Variants in PUM1 observed in about 807,000 individuals in gnomAD.
PUM1 encodes pumilio homolog 1.
PUM1 carries 13 observed loss-of-function variants against 131.8 expected under a neutral mutation model. The observed-to-expected ratio is 0.10, with a 90% CI of 0.06 to 0.16. PUM1 has a LOEUF of 0.16. Among genes scored for constraint, PUM1 ranks in the 10% least tolerant of loss-of-function variants. The pLI is 1.00. For missense variants in PUM1, 961 were observed against 1,512.4 expected (o/e 0.64, Z 6.05); for synonymous variants, 509 against 556.5 (o/e 0.91, Z 1.20).
intron 3 of PUM1, among the ~76,000 whole-genome samples, chr1:31,025,966 T>C (rs1643205785): frequency 6.6e-6 from 1 of 152,190 alleles, no homozygotes; most frequent in Non-Finnish European, 1.5e-5. Flanking sequence ...TAAAAGCTTA[T>C]CTTCCACCGG....
intron 3 of PUM1, among the ~76,000 whole-genome samples, chr1:31,007,629 C>A (rs1221618034): frequency 6.6e-6 from 1 of 152,168 alleles, no homozygotes; most frequent in African/African-American, 2.4e-5. Context: ...TACTTCCCAA[C>A]CACAACACTA....
At chr1:31,046,291 C>T (rs922793363) in intron 2 of PUM1, among the ~76,000 whole-genome samples, 5 of 151,702 alleles carry the variant, frequency 3.3e-5, no homozygotes, top group Non-Finnish European at 5.9e-5. Context: ...GAGGCTAAGG[C>T]AGGAGAATTG....
chr1:30,992,354 G>A, intron 7 of PUM1, 36 bp downstream of exon 7: 1 of 1,594,808 alleles, frequency 6.3e-7, no homozygotes, highest in Non-Finnish European at 8.6e-7. Context: ...CTGGCTGGAG[G>A]GAGAGTAGAG....
intron 12 of PUM1, 44 bp from the exon 13 acceptor site, chr1:30,966,322 C>A: frequency 6.6e-7 from 1 of 1,509,520 alleles, no homozygotes. Context: ...AAGGGACTGG[C>A]CACATTTCCA....
At chr1:30,955,300 C>CA (rs529336616) in intron 14 of PUM1, among the ~76,000 whole-genome samples, 48,685 of 113,430 alleles carry the variant, frequency 0.43, 9,457 homozygotes, top group South Asian at 0.61. Flanking sequence ...CTAAAAAATA[C>CA]AAAAAAAAAA....
At chr1:30,982,648 T>C (rs1045041586) in intron 7 of PUM1, among the ~76,000 whole-genome samples, 1 of 152,246 alleles carries the variant, frequency 6.6e-6, no homozygotes, top group African/African-American at 2.4e-5. Flanking sequence ...GACCTGATTG[T>C]TTCAGACATT....
chr1:31,043,777 G>A (rs1029060770), intron 2 of PUM1, among the ~76,000 whole-genome samples: 2 of 152,130 alleles, frequency 1.3e-5, no homozygotes, highest in Admixed American at 1.3e-4. Context: ...CCTTCAGAGA[G>A]AAAAGAAAGT....
intron 21 of PUM1, 61 bp downstream of exon 21, chr1:30,936,582 T>C (rs1639219470): frequency 6.8e-7 from 1 of 1,471,890 alleles, no homozygotes; most frequent in Admixed American, 2.0e-5. Context: ...CTCCTTTGTG[T>C]TTCAGAAAGG....
chr1:31,020,149 G>C lies in PUM1; in HGVS notation c.432+8647C>G, dbSNP rs139440342. On this transcript the variant is annotated intron_variant, in intron 3 of 21. Transcript: ENST00000426105. ...CCCAATGTTTAGTTCCCACTTACAA[G>C]TGAGAACATGTGGTATTTGGATTTC... Among the ~76,000 whole-genome samples, 122 of 152,218 alleles carry C rather than the reference G, an allele frequency of 8.0e-4. 1 individual carries two copies. The highest frequency in any genetic ancestry group is 2.7e-3 in the African/African-American group (114 of 41,546).
chr1:31,048,036 C>A (rs1009336132), intron 2 of PUM1, among the ~76,000 whole-genome samples: 1 of 151,776 alleles, frequency 6.6e-6, no homozygotes, highest in South Asian at 2.1e-4. Flanking sequence ...GTCAGGAGAT[C>A]GAGACCCTCC....
chr1:31,009,695 G>A (rs538981640), intron 3 of PUM1, among the ~76,000 whole-genome samples: 1 of 146,836 alleles, frequency 6.8e-6, no homozygotes, highest in East Asian at 2.0e-4. Context: ...TTGAACCAGG[G>A]ACGCAGAGGT....
At chr1:31,054,181 G>C (rs1179232566) in intron 2 of PUM1, among the ~76,000 whole-genome samples, 2 of 150,382 alleles carry the variant, frequency 1.3e-5, no homozygotes, top group African/African-American at 4.9e-5. Flanking sequence ...ACAAAGATGA[G>C]CTAGGTGTTG....
Position 30,953,976 on chromosome 1 carries a change from GTCC to G in PUM1, c.2326_2328del (p.Gly776del). The G allele has an allele frequency of 6.2e-7, 1 of 1,613,762 alleles. No homozygotes were observed. Among genetic ancestry groups the G allele is most frequent in the East Asian group, 2.2e-5 (1 of 44,882 alleles). On this transcript the variant is annotated inframe_deletion and splice_region_variant, in exon 15 of 22. Transcript: ENST00000426105. ...ATGTATCTTCCACTGCCATTCGTGA[GTCC>G]TCCTGTTGGTTACAGAACAGGATAA...
chr1:31,014,910 T>C (rs536961484), intron 3 of PUM1, among the ~76,000 whole-genome samples: 21 of 152,256 alleles, frequency 1.4e-4, no homozygotes, highest in African/African-American at 5.1e-4. Context: ...GAAGGATCAC[T>C]TGAGGCCAGG....
At chr1:30,976,659 G>A (rs1641148419) in intron 9 of PUM1, among the ~76,000 whole-genome samples, 1 of 152,184 alleles carries the variant, frequency 6.6e-6, no homozygotes, top group Non-Finnish European at 1.5e-5. Flanking sequence ...AAAAGATTAA[G>A]AAGCTGTTTA....
At chr1:30,958,656 CCTTA>C (rs1640273248) in intron 14 of PUM1, among the ~76,000 whole-genome samples, 1 of 152,034 alleles carries the variant, frequency 6.6e-6, no homozygotes, top group Admixed American at 6.6e-5. Flanking sequence ...TATCCACATC[CCTTA>C]CTTTTTTTCT....
intron 12 of PUM1, among the ~76,000 whole-genome samples, chr1:30,966,710 AATAAAT>A (rs759030616): frequency 3.7e-4 from 56 of 152,352 alleles, no homozygotes; most frequent in Admixed American, 9.1e-4. Flanking sequence ...TTAAAAAATA[AATAAAT>A]ATAAACACTT....
intron 1 of PUM1, among the ~76,000 whole-genome samples, chr1:31,064,387 A>G (rs1470625391): frequency 2.0e-5 from 3 of 152,176 alleles, no homozygotes. Flanking sequence ...CAGATAAAGA[A>G]TCAACAGCCC....
intron 2 of PUM1, among the ~76,000 whole-genome samples, chr1:31,055,938 T>C (rs775420830): frequency 6.6e-6 from 1 of 152,192 alleles, no homozygotes; most frequent in African/African-American, 2.4e-5. Flanking sequence ...TATAGATCTT[T>C]ATTACAGATT....
Sources: allele counts gnomAD v4.1 joint callset (sites outside exome capture counted in the v4.1 genomes callset), GRCh38; gene constraint gnomAD v4.1.1; transcripts MANE v1.5; gene names NCBI Gene and HGNC (gene_info 2026-07-23, HGNC 2026-07-21).